Variants in BPTF observed in about 807,000 individuals in gnomAD.
BPTF encodes the protein bromodomain PHD finger transcription factor.
BPTF carries 18 observed loss-of-function variants against 292.5 expected under a neutral mutation model. That is an observed-to-expected ratio of 0.06 (90% CI 0.04 to 0.09). The LOEUF (loss-of-function observed/expected upper bound fraction) is 0.09. Ranked by LOEUF, BPTF falls within the 10% of genes least tolerant of loss-of-function variation. The pLI is 1.00. For missense variants in BPTF, 2,726 were observed against 3,498.7 expected (o/e 0.78, Z 5.57); for synonymous variants, 1,225 against 1,251.9 (o/e 0.98, Z 0.45).
chr17:67,886,459 T>C (rs926268143), intron 4 of BPTF: 62 of 536,976 alleles, frequency 1.2e-4, no homozygotes, highest in Non-Finnish European at 1.0e-4. Context: ...GGGGGTGGAA[T>C]TTAGATGTTC....
chr17:67,879,494 C>A (rs1332689162), intron 4 of BPTF, among the ~76,000 whole-genome samples: 1 of 152,152 alleles, frequency 6.6e-6, no homozygotes, highest in African/African-American at 2.4e-5. Context: ...CTGGAGTTTT[C>A]ACTGTGAGAA....
At chr17:67,885,382 G>A (rs1296436994) in intron 4 of BPTF, among the ~76,000 whole-genome samples, 2 of 152,118 alleles carry the variant, frequency 1.3e-5, no homozygotes, top group Non-Finnish European at 2.9e-5. Context: ...TCAGGAGTTC[G>A]AGCCCAGCCT....
At chr17:67,898,366 GA>G (rs1256372028) in intron 7 of BPTF, among the ~76,000 whole-genome samples, 1 of 152,088 alleles carries the variant, frequency 6.6e-6, no homozygotes, top group Non-Finnish European at 1.5e-5. Flanking sequence ...GTCTTAAAAA[GA>G]AAAAAGTTGA....
rs1163333672 is a variant in BPTF, at chr17:67,949,662, CAT to C, written c.7926+1368_7926+1369del. On this transcript the variant is annotated intron_variant, in intron 23 of 27. Coordinates refer to ENST00000306378, the MANE Select transcript of BPTF (RefSeq NM_182641.4). ...GTACATATATATATATACACACAGA[CAT>C]ATATATATATACACACAGACATACA... is the stretch of plus-strand genomic sequence containing the variant. Among the ~76,000 whole-genome samples, 449 of 32,692 alleles carry C rather than the reference CAT, an allele frequency of 0.014. 2 individuals are homozygous for C. The South Asian group carries it at 0.17, about 13-fold the overall frequency. The allele number at this position is 32,692 out of a possible 152,430, so 21.4% of individuals were successfully genotyped here.
chr17:67,925,992 C>CTTTTTTTTTT lies in BPTF; in HGVS notation c.5751+1424_5751+1433dup, dbSNP rs60083535. Among the ~76,000 whole-genome samples the CTTTTTTTTTT allele has an allele frequency of 2.1e-4, 12 of 56,652 alleles. 2 individuals carry two copies. The highest frequency in any genetic ancestry group is 8.7e-4 in the East Asian group (1 of 1,148). 37.2% of individuals were successfully genotyped at this position (56,652 alleles called of 152,430 possible). A position where few individuals can be genotyped will look rare whatever the true frequency, so the allele number is the denominator to read the frequency against. ...CTCTGCAATGTAACCTAACATATTA[C>CTTTTTTTTTT]TTTTTTTTTTTTTTTTTTTTTTTTT... On this transcript the variant is annotated intron_variant, in intron 15 of 27. Coordinates refer to ENST00000306378, the MANE Select transcript of BPTF (RefSeq NM_182641.4).
At chr17:67,926,182 G>GT (rs905147556) in intron 15 of BPTF, among the ~76,000 whole-genome samples, 20 of 150,176 alleles carry the variant, frequency 1.3e-4, no homozygotes, top group African/African-American at 4.9e-4. Context: ...TGATTTTTGT[G>GT]TTTTTTGTAG....
At chr17:67,935,611 T>G (rs145555889) in intron 18 of BPTF, among the ~76,000 whole-genome samples, 2 of 152,266 alleles carry the variant, frequency 1.3e-5, no homozygotes, top group African/African-American at 4.8e-5. Context: ...AGTGAGCTTT[T>G]TTAACTCAAA....
chr17:67,981,792 T>G (rs2070389707), intron 27 of BPTF: 1 of 935,744 alleles, frequency 1.1e-6, no homozygotes, highest in Non-Finnish European at 1.3e-6. Flanking sequence ...AATAGAAAAA[T>G]GTGATTTTAA....
intron 1 of BPTF, among the ~76,000 whole-genome samples, chr17:67,846,507 ATTTTTGT>A (rs1282073392): frequency 6.6e-6 from 1 of 152,120 alleles, no homozygotes; most frequent in African/African-American, 2.4e-5. Flanking sequence ...AGCACCTGAA[ATTTTTGT>A]TCAGGTCTCA....
At chr17:67,864,768 G>A (rs1007378166) in intron 2 of BPTF, among the ~76,000 whole-genome samples, 6 of 151,836 alleles carry the variant, frequency 4.0e-5, no homozygotes, top group African/African-American at 1.5e-4. Context: ...TGGAATATTT[G>A]CATTATACTT....
chr17:67,960,003 C>A, intron 24 of BPTF, 128 bp downstream of exon 24: 2 of 764,694 alleles, frequency 2.6e-6, no homozygotes, highest in African/African-American at 1.8e-5. Flanking sequence ...AATGTTTCAT[C>A]CATGGTCTTG....
chr17:67,853,842 T>C lies in BPTF; in HGVS notation c.614-98T>C, dbSNP rs1449130902. Reference sequence around the variant, plus strand: ...TTTAACTTGACAATTATTAAAGAAATGTACTTATGTATTTTAGGGGGGTAT... The same window carrying C: ...TTTAACTTGACAATTATTAAAGAAACGTACTTATGTATTTTAGGGGGGTAT... On this transcript the variant is annotated intron_variant, in intron 1 of 27. Coordinates refer to ENST00000306378, the MANE Select transcript of BPTF (RefSeq NM_182641.4). The C allele has an allele frequency of 6.0e-6, 5 of 835,812 alleles. No individual in the cohort carries two copies. In the Admixed American group the frequency reaches 7.2e-5, roughly 12 times the overall value. 51.8% of individuals were successfully genotyped at this position (835,812 alleles called of 1,614,324 possible). A position where few individuals can be genotyped will look rare whatever the true frequency, so the allele number is the denominator to read the frequency against.
At chr17:67,900,770 G>T (rs1019210557) in intron 7 of BPTF, among the ~76,000 whole-genome samples, 4 of 152,094 alleles carry the variant, frequency 2.6e-5, no homozygotes, top group Non-Finnish European at 4.4e-5. Flanking sequence ...AACACTTTGA[G>T]AGGTTGAGGA....
At position 67,959,814 on chromosome 17, in the gene BPTF, A is replaced by C. The variant is rs1167913196; in HGVS notation, c.8200A>C (p.Lys2734Gln). 6.2e-7 allele frequency: 1 copy of C among 1,613,776 alleles called. No homozygotes were observed. The highest frequency in any genetic ancestry group is 1.3e-5 in the African/African-American group (1 of 74,964). Residue 2734 changes from lysine (K) to glutamine (Q), a missense_variant, in exon 24 of 28, where the codon AAG becomes CAG. Coordinates refer to ENST00000306378, the MANE Select transcript of BPTF (RefSeq NM_182641.4). ...KKKKMISTTS[K>Q]ETKKDTKLYC... ...AAAGAAAATGATCTCTACTACCTCA[A>C]AGGAAACTAAGAAGGACACAAAGCT...
At chr17:67,929,717 T>C (rs1196741527) in intron 17 of BPTF, among the ~76,000 whole-genome samples, 1 of 152,244 alleles carries the variant, frequency 6.6e-6, no homozygotes, top group African/African-American at 2.4e-5. Flanking sequence ...TGAAGAATAA[T>C]AATTGCTTTC....
chr17:67,900,420 T>C (rs1007813839), intron 7 of BPTF, among the ~76,000 whole-genome samples: 4 of 151,254 alleles, frequency 2.6e-5, no homozygotes, highest in African/African-American at 9.7e-5. Context: ...TAACAAGAAA[T>C]ATTCAAGGCC....
chr17:67,853,521 T>C lies in BPTF; in HGVS notation c.614-419T>C, dbSNP rs147488645. Among the ~76,000 whole-genome samples the C allele has an allele frequency of 2.1e-3, 315 of 152,336 alleles. 3 individuals carry two copies. The highest frequency in any genetic ancestry group is 7.3e-3 in the African/African-American group (303 of 41,568). The stretch of plus-strand genomic sequence containing the variant: ...ACAGTGTGAGATCTATTGCCCCTAC[T>C]TTGTGCTGTGTATCTTATGTGTAAA... On this transcript the variant is annotated intron_variant, in intron 1 of 27. Coordinates refer to ENST00000306378, the MANE Select transcript of BPTF (RefSeq NM_182641.4).
At chr17:67,900,328 CTCCTGTGCT>C (rs2061743706) in intron 7 of BPTF, among the ~76,000 whole-genome samples, 1 of 151,916 alleles carries the variant, frequency 6.6e-6, no homozygotes, top group Admixed American at 6.6e-5. Context: ...TGGTCTCGAA[CTCCTGTGCT>C]CAAGTGATCC....
In BPTF at chr17:67,826,060, C is replaced by A. The variant is rs748123787; in HGVS notation, c.336C>A (p.Ala112=). 5.5e-6 allele frequency: 7 copies of A among 1,267,324 alleles called. No homozygotes were observed. The highest frequency in any genetic ancestry group is 7.4e-6 in the Non-Finnish European group (7 of 951,974). 78.5% of individuals were successfully genotyped at this position (1,267,324 alleles called of 1,614,324 possible). A position where few individuals can be genotyped will look rare whatever the true frequency, so the allele number is the denominator to read the frequency against. ...TGGGGGGGHL[A]RTTAARRAVN... is the part of the protein sequence containing the mutation. ...GCGGGGGCGGCGGCGGCCACCTGGC[C>A]CGGACCACCGCGGCCCGGAGGGCCG... Residue 112 remains alanine, a synonymous_variant, in exon 1 of 28, where the codon GCC becomes GCA. Transcript: ENST00000306378.
Sources: gnomAD v4.1 joint callset for allele counts (sites outside exome capture counted in the v4.1 genomes callset) on GRCh38, gnomAD v4.1.1 for gene constraint, MANE v1.5 for transcripts, NCBI Gene and HGNC (gene_info 2026-07-23, HGNC 2026-07-21) for gene names.